TPX2: variants seen among roughly 807,000 people sequenced by gnomAD.
The protein encoded by TPX2 is TPX2 microtubule nucleation factor.
A neutral mutation model predicts 93.6 loss-of-function variants in TPX2; 21 were observed. The ratio of observed to expected loss-of-function variants is 0.22; its 90% CI spans 0.16 to 0.32. The LOEUF (loss-of-function observed/expected upper bound fraction) is 0.32, where lower values mean the gene tolerates loss of function less well. TPX2 is among the 10% of genes least tolerant of loss of function. The pLI is 1.00. For synonymous variants in TPX2, 281 were observed against 298.3 expected (o/e 0.94, Z 0.60); for missense variants, 776 against 871.1 (o/e 0.89, Z 1.37).
chr20:31,776,496 A>G (rs2062000440), intron 8 of TPX2, among the ~76,000 whole-genome samples: 1 of 151,740 alleles, frequency 6.6e-6, no homozygotes, highest in Admixed American at 6.6e-5. Flanking sequence ...TTTTACATAT[A>G]TTGGTACTTA....
chr20:31,780,719 T>C (rs1448896718), intron 10 of TPX2, among the ~76,000 whole-genome samples: 1 of 152,180 alleles, frequency 6.6e-6, no homozygotes, highest in Non-Finnish European at 1.5e-5. Context: ...GTTATGAAAA[T>C]TGACAAGGTT....
chr20:31,743,073 G>A (rs4449218), intron 2 of TPX2, among the ~76,000 whole-genome samples: 56,319 of 151,944 alleles, frequency 0.37, 12,568 homozygotes, highest in African/African-American at 0.61. Flanking sequence ...AATTAGCTGG[G>A]TGTGGTGGTG....
At chr20:31,768,321 C>T (rs1383923908) in intron 5 of TPX2, among the ~76,000 whole-genome samples, 18 of 151,610 alleles carry the variant, frequency 1.2e-4, no homozygotes, top group African/African-American at 4.4e-4. Flanking sequence ...CTGCAACCTC[C>T]GCCTCCCGGG....
chr20:31,797,707 G>A (rs914606446), intron 16 of TPX2, among the ~76,000 whole-genome samples, 192 bp downstream of exon 16: 5 of 152,160 alleles, frequency 3.3e-5, no homozygotes, highest in Non-Finnish European at 7.3e-5. Flanking sequence ...GTTGCAGGAT[G>A]TGTTAGGGCC....
chr20:31,791,929 C>T (rs1345717244), intron 12 of TPX2, among the ~76,000 whole-genome samples: 2 of 152,196 alleles, frequency 1.3e-5, no homozygotes, highest in Non-Finnish European at 2.9e-5. Context: ...AGAATATAAA[C>T]TCTGTGTGAA....
chr20:31,746,827 G>A lies in TPX2; in HGVS notation c.-71+4180G>A, dbSNP rs897341898. ...TAATTTCAGATGAATGTGGGAACAG[G>A]TTACATTGCTTTGTCTGCAATCTTC... is the stretch of plus-strand genomic sequence containing the variant. On this transcript the variant is annotated intron_variant, in intron 2 of 17. Coordinates refer to ENST00000300403, the MANE Select transcript of TPX2 (RefSeq NM_012112.5). 2.0e-5 allele frequency among the ~76,000 whole-genome samples: 3 copies of A among 152,158 alleles called. No individual in the cohort carries two copies. The South Asian group carries it at 6.2e-4, about 31-fold the overall frequency.
intron 17 of TPX2, among the ~76,000 whole-genome samples, chr20:31,799,615 G>C (rs1427804166): frequency 6.6e-6 from 1 of 152,038 alleles, no homozygotes; most frequent in Non-Finnish European, 1.5e-5. Flanking sequence ...TAAAAAGAAA[G>C]AAGGCCAGGA....
At chr20:31,757,383 A>G in intron 2 of TPX2, 24 bp from the exon 3 acceptor site, 2 of 1,000,418 alleles carry the variant, frequency 2.0e-6, no homozygotes, top group Non-Finnish European at 3.0e-6. Flanking sequence ...ACTTAGATTT[A>G]TGTGCAACCA....
chr20:31,787,713 A>G (rs1294416228), intron 12 of TPX2, among the ~76,000 whole-genome samples: 1 of 152,202 alleles, frequency 6.6e-6, no homozygotes, highest in Non-Finnish European at 1.5e-5. Context: ...GGGTAGAGGA[A>G]TAGTTACTTA....
intron 12 of TPX2, 37 bp from the exon 13 acceptor site, chr20:31,792,698 T>C (rs746572804): frequency 6.4e-7 from 1 of 1,559,150 alleles, no homozygotes; most frequent in South Asian, 1.1e-5. Flanking sequence ...GTGGAGATCA[T>C]TTTGTGATAT....
Position 31,778,810 on chromosome 20 carries a change from C to T in TPX2, c.883-3C>T, listed in dbSNP as rs1423620247. The T allele has an allele frequency of 3.9e-6, 6 of 1,551,644 alleles. No individual in the cohort carries two copies. Among genetic ancestry groups the T allele is most frequent in the South Asian group, 1.3e-5 (1 of 79,518 alleles). ...ATTTGGGGAACAACTTTTCTCTTTA[C>T]AGGCCCGAGTGACTAAGGGATGTAC... On this transcript the variant is annotated splice_region_variant and splice_polypyrimidine_tract_variant and intron_variant, in intron 9 of 17. Coordinates refer to ENST00000300403, the MANE Select transcript of TPX2 (RefSeq NM_012112.5).
intron 15 of TPX2, among the ~76,000 whole-genome samples, chr20:31,796,865 CAAAT>C (rs1164093984): frequency 2.6e-5 from 4 of 151,434 alleles, no homozygotes; most frequent in Non-Finnish European, 5.9e-5. Context: ...TTTTAATTGA[CAAAT>C]AATAGTTGTA....
chr20:31,742,288 C>T (rs1276095789), intron 1 of TPX2, among the ~76,000 whole-genome samples: 2 of 151,486 alleles, frequency 1.3e-5, no homozygotes, highest in Non-Finnish European at 2.9e-5. Context: ...AGCGATTCTC[C>T]TGCCTCAGTG....
chr20:31,782,932 A>AC (rs2062043108), intron 11 of TPX2, among the ~76,000 whole-genome samples: 8 of 145,554 alleles, frequency 5.5e-5, no homozygotes, highest in African/African-American at 2.0e-4. Context: ...ACACACACAC[A>AC]AAATCTAATC....
intron 8 of TPX2, 52 bp downstream of exon 8, chr20:31,776,040 C>G: frequency 2.6e-6 from 1 of 391,742 alleles, no homozygotes; most frequent in African/African-American, 2.2e-5. Flanking sequence ...TCTTAACACT[C>G]TTGGTAGGTG....
intron 2 of TPX2, among the ~76,000 whole-genome samples, chr20:31,743,588 T>TG (rs202022942): frequency 0.03 from 4,592 of 152,062 alleles, 192 homozygotes; most frequent in African/African-American, 0.091. Context: ...CCCAGCTACT[T>TG]GGGGGGCCAA....
intron 3 of TPX2, among the ~76,000 whole-genome samples, 182 bp from the exon 4 acceptor site, chr20:31,759,875 C>G (rs768897842): frequency 3.3e-5 from 5 of 151,526 alleles, no homozygotes; most frequent in Non-Finnish European, 7.4e-5. Context: ...AGTGATTGTT[C>G]TTATAGTCTA....
intron 2 of TPX2, among the ~76,000 whole-genome samples, chr20:31,748,514 A>G (rs903439330): frequency 3.9e-5 from 6 of 152,238 alleles, no homozygotes; most frequent in Non-Finnish European, 5.9e-5. Flanking sequence ...GTAATTTGCT[A>G]AAGTTTTCTT....
At chr20:31,777,742 A>G in intron 9 of TPX2, 104 bp downstream of exon 9, 1 of 1,240,968 alleles carries the variant, frequency 8.1e-7, no homozygotes, top group Non-Finnish European at 1.1e-6. Flanking sequence ...TGAGAAAAAA[A>G]ACCTTGTGTC....
Sources: allele counts gnomAD v4.1 joint callset (sites outside exome capture counted in the v4.1 genomes callset), GRCh38; gene constraint gnomAD v4.1.1; transcripts MANE v1.5; gene names NCBI Gene and HGNC (gene_info 2026-07-23, HGNC 2026-07-21).